SLC11A2: variants seen among roughly 807,000 people sequenced by gnomAD.
SLC11A2 encodes solute carrier family 11 member 2.
SLC11A2 carries 38 observed loss-of-function variants against 68.0 expected under a neutral mutation model. That is an observed-to-expected ratio of 0.56 (90% CI 0.43 to 0.73). SLC11A2 has a LOEUF of 0.73. SLC11A2 is among the 30% of genes least tolerant of loss of function. The pLI is 0.00. For missense variants in SLC11A2, 517 were observed against 690.5 expected, an observed-to-expected ratio of 0.75 and a Z score of 2.82; for synonymous variants, 242 against 250.6, an observed-to-expected ratio of 0.97 and a Z score of 0.32.
chr12:50,985,857 G>A (rs1170912254), downstream of SLC11A2: 7 of 841,862 alleles, frequency 8.3e-6, no homozygotes, highest in Non-Finnish European at 1.0e-5. Flanking sequence ...TCCTTTCTAA[G>A]GAGAAAATCC....
At chr12:50,989,470 G>A (rs967285528) in intron 15 of SLC11A2, among the ~76,000 whole-genome samples, 2 of 152,138 alleles carry the variant, frequency 1.3e-5, no homozygotes, top group African/African-American at 4.8e-5. Flanking sequence ...TAGCTTGGGC[G>A]ATAGAGAAAA....
chr12:51,021,909 T>C (rs1048365929), intron 1 of SLC11A2, among the ~76,000 whole-genome samples: 1 of 151,182 alleles, frequency 6.6e-6, no homozygotes, highest in Admixed American at 6.6e-5. Flanking sequence ...TGTCAAGGAG[T>C]ACTTATCTTT....
chr12:51,010,247 G>A (rs1208969172), intron 2 of SLC11A2, among the ~76,000 whole-genome samples: 1 of 151,942 alleles, frequency 6.6e-6, no homozygotes, highest in African/African-American at 2.4e-5. Context: ...GATGGGCGCG[G>A]TAGCTCATGC....
chr12:50,962,231 TTA>T, the SLC11A2 span, among the ~76,000 whole-genome samples: 1 of 113,308 alleles, frequency 8.8e-6, no homozygotes, highest in African/African-American at 3.4e-5. Context: ...ACTAAAAAAA[TTA>T]CACACACACA....
At chr12:51,023,790 C>A (rs1273399346) in intron 1 of SLC11A2, among the ~76,000 whole-genome samples, 1 of 152,078 alleles carries the variant, frequency 6.6e-6, no homozygotes, top group Non-Finnish European at 1.5e-5. Flanking sequence ...CCCAGGGGCT[C>A]AAGACAACCT....
intron 5 of SLC11A2, among the ~76,000 whole-genome samples, chr12:51,002,477 A>G (rs1942334071): frequency 6.6e-6 from 1 of 151,710 alleles, no homozygotes; most frequent in East Asian, 1.9e-4. Context: ...TGTCTCTACT[A>G]AAAATACAAA....
In SLC11A2 at chr12:51,026,221, T is replaced by G. The variant is rs560619413; in HGVS notation, c.-39+89A>C. 12,051 of 1,216,844 alleles carry G rather than the reference T, an allele frequency of 9.9e-3. 80 individuals carry two copies. The highest frequency in any genetic ancestry group is 0.012 in the Non-Finnish European group (11,427 of 950,260). The allele number at this position is 1,216,844 out of a possible 1,614,324, so 75.4% of individuals were successfully genotyped here. On this transcript the variant is annotated intron_variant, in intron 1 of 15. Coordinates refer to ENST00000262052, the MANE Select transcript of SLC11A2 (RefSeq NM_000617.3). ...GGTGTCGCATCCTAGCCCCGGAGCC[T>G]GACCCCCGACACAGGCCCTCGAGCC...
At chr12:51,008,996 G>A in intron 2 of SLC11A2, 1 of 699,102 alleles carries the variant, frequency 1.4e-6, no homozygotes, top group Non-Finnish European at 2.5e-6. Context: ...TGACATATGG[G>A]CTCAAAATAT....
intron 1 of SLC11A2, among the ~76,000 whole-genome samples, chr12:51,019,792 C>A (rs1024687060): frequency 6.6e-6 from 1 of 150,890 alleles, no homozygotes; most frequent in Non-Finnish European, 1.5e-5. Context: ...GGACTAGAGG[C>A]GTGTGCCATG....
chr12:51,010,865 A>G, intron 1 of SLC11A2, 99 bp from the exon 2 acceptor site: 1 of 513,268 alleles, frequency 1.9e-6, no homozygotes, highest in Non-Finnish European at 3.5e-6. Flanking sequence ...CCTTACTATG[A>G]AAAGAGTAAT....
chr12:50,957,355 C>A, the SLC11A2 span, among the ~76,000 whole-genome samples: 1 of 151,710 alleles, frequency 6.6e-6, no homozygotes, highest in African/African-American at 2.4e-5. Flanking sequence ...TGCGCCACCA[C>A]ACCTGGCTAA....
chr12:51,011,682 C>T (rs770026152), intron 1 of SLC11A2, among the ~76,000 whole-genome samples: 59 of 151,900 alleles, frequency 3.9e-4, no homozygotes, highest in Non-Finnish European at 7.2e-4. Flanking sequence ...CCTGCCTCAG[C>T]CTCCAGAATA....
intron 1 of SLC11A2, chr12:51,024,938 C>T (rs1944282331): frequency 3.3e-5 from 5 of 151,966 alleles, no homozygotes. Flanking sequence ...AGTACTGGCT[C>T]CAAAATAAAC....
the SLC11A2 span, among the ~76,000 whole-genome samples, chr12:50,954,756 A>C: frequency 6.6e-6 from 1 of 152,154 alleles, no homozygotes; most frequent in Non-Finnish European, 1.5e-5. Flanking sequence ...ACAAAAAACC[A>C]AAAACTTCTG....
rs1474779433 is a variant in SLC11A2, at chr12:51,005,380, C to G, written c.240G>C (p.Met80Ile). 2 of 1,613,934 alleles carry G rather than the reference C, an allele frequency of 1.2e-6. No homozygotes were observed. The highest frequency in any genetic ancestry group is 1.3e-5 in the African/African-American group (1 of 74,992). Residue 80 changes from methionine (M) to isoleucine (I), a missense_variant, in exon 4 of 16, where the codon ATG (methionine) becomes ATC (isoleucine). Transcript: ENST00000262052. ...LWAFTGPGFL[M>I]SIAYLDPGNI... Reference sequence around the variant, plus strand: ...TTCCTGGATCCAGGTAGGCAATGCTCATAAGAAAACCTGGTCCGGTGAAAG... The same window carrying G: ...TTCCTGGATCCAGGTAGGCAATGCTGATAAGAAAACCTGGTCCGGTGAAAG...
chr12:51,011,525 G>A (rs143913164), intron 1 of SLC11A2, among the ~76,000 whole-genome samples: 6 of 148,236 alleles, frequency 4.0e-5, no homozygotes, highest in African/African-American at 1.5e-4. Flanking sequence ...TCTAAAGCCA[G>A]ACACATTTCC....
At chr12:51,011,646 T>C (rs1475602745) in intron 1 of SLC11A2, among the ~76,000 whole-genome samples, 1 of 144,654 alleles carries the variant, frequency 6.9e-6, no homozygotes, top group African/African-American at 2.5e-5. Context: ...CGCTGCAACC[T>C]CTGCCTCCTG....
downstream of SLC11A2, among the ~76,000 whole-genome samples, chr12:50,975,667 A>T (rs1939838505): frequency 6.6e-6 from 1 of 152,208 alleles, no homozygotes; most frequent in Admixed American, 6.5e-5. Context: ...AGATAGAGAC[A>T]GAAAAAACCC....
At chr12:50,993,974 A>G (rs1235483955) in intron 11 of SLC11A2, among the ~76,000 whole-genome samples, 1 of 136,218 alleles carries the variant, frequency 7.3e-6, no homozygotes. Flanking sequence ...CCTGGGCAAC[A>G]GAGCAAGACC....
Sources: allele counts gnomAD v4.1 joint callset (sites outside exome capture counted in the v4.1 genomes callset), GRCh38; gene constraint gnomAD v4.1.1; transcripts MANE v1.5; gene names NCBI Gene and HGNC (gene_info 2026-07-23, HGNC 2026-07-21).